Variants in AOPEP observed in about 807,000 individuals in gnomAD.
AOPEP encodes the protein aminopeptidase O.
AOPEP carries 77 observed loss-of-function variants against 98.1 expected under a neutral mutation model. The ratio of observed to expected loss-of-function variants is 0.78; its 90% confidence interval spans 0.65 to 0.95. AOPEP has a LOEUF of 0.95. AOPEP is among the 40% of genes least tolerant of loss of function. AOPEP has a pLI of 0.00. For missense variants in AOPEP, 1,024 were observed against 1,024.7 expected, an observed-to-expected ratio of 1.00 and a Z score of 0.01; for synonymous variants, 346 against 365.3, an observed-to-expected ratio of 0.95 and a Z score of 0.60.
chr9:95,081,634 C>G (rs1355292148), intron 15 of AOPEP, among the ~76,000 whole-genome samples: 1 of 152,168 alleles, frequency 6.6e-6, no homozygotes, highest in African/African-American at 2.4e-5. Flanking sequence ...CACAGCAGAG[C>G]AAGAGGTATC....
intron 13 of AOPEP, among the ~76,000 whole-genome samples, chr9:95,045,086 G>A (rs1461762790): frequency 6.6e-6 from 1 of 152,216 alleles, no homozygotes; most frequent in African/African-American, 2.4e-5. Flanking sequence ...CTGGAGAGTT[G>A]GGCGTCACAG....
At chr9:94,769,781 C>A (rs1028828725) in intron 2 of AOPEP, among the ~76,000 whole-genome samples, 2 of 152,158 alleles carry the variant, frequency 1.3e-5, no homozygotes, top group Admixed American at 6.6e-5. Flanking sequence ...AGGTAACTGA[C>A]CCCCTTGATG....
chr9:95,067,169 A>G (rs1472403991), intron 14 of AOPEP, among the ~76,000 whole-genome samples: 1 of 152,034 alleles, frequency 6.6e-6, no homozygotes, highest in Non-Finnish European at 1.5e-5. Context: ...TGAGAGGTGG[A>G]TCTGTCTGGA....
chr9:95,068,307 G>A (rs73526572), intron 14 of AOPEP, among the ~76,000 whole-genome samples: 1,801 of 121,340 alleles, frequency 0.015, 31 homozygotes, highest in African/African-American at 0.049. Context: ...AGTGAGTATG[G>A]GTTCGGCCTC....
intron 5 of AOPEP, among the ~76,000 whole-genome samples, chr9:94,846,003 G>T (rs1472619593): frequency 6.6e-6 from 1 of 152,040 alleles, no homozygotes; most frequent in African/African-American, 2.4e-5. Flanking sequence ...GCTGAAGCAG[G>T]AGAATCACAT....
At chr9:95,143,364 T>C in the AOPEP span, among the ~76,000 whole-genome samples, 2 of 152,132 alleles carry the variant, frequency 1.3e-5, no homozygotes, top group African/African-American at 2.4e-5. Flanking sequence ...CGCTGGCCAG[T>C]AGTGATCAGG....
chr9:94,812,316 C>T (rs1850783049), intron 5 of AOPEP, among the ~76,000 whole-genome samples: 2 of 152,060 alleles, frequency 1.3e-5, no homozygotes, highest in Admixed American at 1.3e-4. Flanking sequence ...CCTGCCTGGC[C>T]CCTTAGATAT....
chr9:94,865,430 G>C (rs113023579), intron 5 of AOPEP, among the ~76,000 whole-genome samples: 44 of 152,122 alleles, frequency 2.9e-4, no homozygotes, highest in African/African-American at 9.9e-4. Context: ...CACTTCAAAC[G>C]AACTGATTTC....
chr9:94,904,412 C>T (rs1156783076), intron 5 of AOPEP: 1 of 152,112 alleles, frequency 6.6e-6, no homozygotes, highest in Non-Finnish European at 1.5e-5. Flanking sequence ...AGAGCCTCTC[C>T]CTCACACCCT....
intron 13 of AOPEP, 53 bp downstream of exon 13, chr9:95,005,669 C>T (rs1309375892): frequency 1.4e-6 from 2 of 1,413,770 alleles, no homozygotes; most frequent in Admixed American, 1.7e-5. Context: ...TCCGCTTCTG[C>T]CCCGTGAGGA....
intron 11 of AOPEP, among the ~76,000 whole-genome samples, chr9:95,004,676 G>C (rs997196139): frequency 2.0e-5 from 3 of 150,640 alleles, no homozygotes; most frequent in African/African-American, 4.9e-5. Context: ...CCCTCTCGCT[G>C]CCGGGAAGCC....
the AOPEP span, chr9:95,135,596 T>A: frequency 9.9e-6 from 10 of 1,013,058 alleles, no homozygotes; most frequent in East Asian, 2.6e-5. Flanking sequence ...TAATCCAATT[T>A]GTGAGACTTC....
chr9:94,916,920 C>T (rs1232871823), intron 5 of AOPEP, among the ~76,000 whole-genome samples: 4 of 152,186 alleles, frequency 2.6e-5, no homozygotes, highest in Non-Finnish European at 5.9e-5. Context: ...AGAACATGTA[C>T]TGTCACATTG....
At chr9:94,934,587 GGA>G (rs1193040702) in intron 7 of AOPEP, 1 of 152,106 alleles carries the variant, frequency 6.6e-6, no homozygotes, top group African/African-American at 2.4e-5. Flanking sequence ...CCAGTCCTCT[GGA>G]ATCTGCTTTC....
At chr9:94,759,140 C>T (rs796202215) in intron 1 of AOPEP, among the ~76,000 whole-genome samples, 1 of 152,314 alleles carries the variant, frequency 6.6e-6, no homozygotes, top group African/African-American at 2.4e-5. Flanking sequence ...GATATGAGAG[C>T]AGTCCTAATG....
intron 5 of AOPEP, among the ~76,000 whole-genome samples, chr9:94,869,224 G>A (rs957702018): frequency 4.6e-5 from 7 of 152,072 alleles, no homozygotes; most frequent in East Asian, 1.9e-4. Context: ...GCAAGACTCC[G>A]TCTCAAAAAA....
At chr9:94,935,080 C>T (rs947137488) in intron 7 of AOPEP, 4 of 152,222 alleles carry the variant, frequency 2.6e-5, no homozygotes, top group Non-Finnish European at 5.9e-5. Flanking sequence ...GTGACTGGAT[C>T]ACAGAGGTGG....
Position 94,924,091 on chromosome 9 carries a change from C to T in AOPEP, c.1470C>T (p.Ile490=), listed in dbSNP as rs755157491. 3.4e-5 allele frequency: 52 copies of T among 1,518,164 alleles called. No individual in the cohort carries two copies. The highest frequency in any genetic ancestry group is 3.7e-5 in the Non-Finnish European group (42 of 1,129,906). 94.0% of individuals were successfully genotyped at this position (1,518,164 alleles called of 1,614,324 possible). Residue 490 remains isoleucine, a synonymous_variant, in exon 6 of 17, where the codon ATC becomes ATT. Coordinates refer to ENST00000375315, the MANE Select transcript of AOPEP (RefSeq NM_001193329.3). ...EIAHAWFGLA[I]GARDWTEEWL... is the part of the protein sequence containing the mutation. Reference sequence around the variant, plus strand: ...CCCATGCCTGGTTTGGCCTAGCCATCGGGGCCCGAGACTGGACGGAGGAGT... The same window carrying T: ...CCCATGCCTGGTTTGGCCTAGCCATTGGGGCCCGAGACTGGACGGAGGAGT...
At chr9:94,922,673 G>T (rs1028043993) in intron 5 of AOPEP, among the ~76,000 whole-genome samples, 12 of 151,502 alleles carry the variant, frequency 7.9e-5, no homozygotes, top group African/African-American at 2.9e-4. Flanking sequence ...GAACAATACT[G>T]TTGGTGCCTG....
Sources: gnomAD v4.1 joint callset for allele counts (sites outside exome capture counted in the v4.1 genomes callset) on GRCh38, gnomAD v4.1.1 for gene constraint, MANE v1.5 for transcripts, NCBI Gene and HGNC (gene_info 2026-07-23, HGNC 2026-07-21) for gene names.